The following IGSF5 variants were observed in gnomAD, a reference collection of about 807,000 sequenced individuals.
The protein encoded by IGSF5 is immunoglobulin superfamily member 5.
A neutral mutation model predicts 39.4 loss-of-function variants in IGSF5; 41 were observed. That is an observed-to-expected ratio of 1.04 (90% confidence interval 0.81 to 1.35). IGSF5 has a LOEUF of 1.35. Ranked by LOEUF, IGSF5 falls within the 40% of genes most tolerant of loss-of-function variation. The probability of loss-of-function intolerance (pLI) is 0.00; values close to 1 mark genes in which losing one functional copy is unlikely to be tolerated. For missense variants in IGSF5, 487 were observed against 494.6 expected (o/e 0.98, Z 0.15); for synonymous variants, 183 against 175.3 (o/e 1.04, Z -0.34).
chr21:39,741,216 G>A (rs1296693788), upstream of IGSF5, among the ~76,000 whole-genome samples: 1 of 152,124 alleles, frequency 6.6e-6, no homozygotes, highest in African/African-American at 2.4e-5. Flanking sequence ...TTCTGCTTCA[G>A]GTGTCCATCT....
chr21:39,733,097 A>C, the IGSF5 span, among the ~76,000 whole-genome samples: 1 of 152,160 alleles, frequency 6.6e-6, no homozygotes, highest in Non-Finnish European at 1.5e-5. Context: ...AAAAAGATAT[A>C]GTACCAAAGA....
the IGSF5 span, among the ~76,000 whole-genome samples, chr21:39,736,890 G>A: frequency 6.6e-6 from 1 of 152,132 alleles, no homozygotes; most frequent in South Asian, 2.1e-4. Flanking sequence ...ACAACTCCTG[G>A]TGCCGACTGA....
chr21:39,782,879 C>T (rs888963235), intron 5 of IGSF5, among the ~76,000 whole-genome samples: 3 of 152,138 alleles, frequency 2.0e-5, no homozygotes, highest in Admixed American at 2.0e-4. Context: ...TAGCTTCCCC[C>T]GACTACCTCC....
upstream of IGSF5, among the ~76,000 whole-genome samples, chr21:39,744,823 AG>A (rs1189051548): frequency 1.3e-5 from 2 of 152,200 alleles, no homozygotes; most frequent in Non-Finnish European, 2.9e-5. Context: ...TTCTACTTTT[AG>A]CAAAGCAGTT....
chr21:39,747,940 CA>C (rs200945240), intron 2 of IGSF5, among the ~76,000 whole-genome samples: 17 of 118,762 alleles, frequency 1.4e-4, no homozygotes, highest in Non-Finnish European at 2.0e-4. Flanking sequence ...AAAACTCTGG[CA>C]AAAAAAAAAA....
At chr21:39,785,411 C>T (rs1164491520) in intron 5 of IGSF5, among the ~76,000 whole-genome samples, 1 of 152,028 alleles carries the variant, frequency 6.6e-6, no homozygotes, top group African/African-American at 2.4e-5. Context: ...GTTCCATTGA[C>T]CTATATCTCT....
upstream of IGSF5, among the ~76,000 whole-genome samples, chr21:39,742,107 C>T: frequency 6.6e-6 from 1 of 151,644 alleles, no homozygotes; most frequent in Non-Finnish European, 1.5e-5. Flanking sequence ...CTTTGCTTGT[C>T]CATATTGTCC....
chr21:39,781,610 C>A (rs1000343528), intron 5 of IGSF5, among the ~76,000 whole-genome samples: 1 of 152,134 alleles, frequency 6.6e-6, no homozygotes, highest in South Asian at 2.1e-4. Flanking sequence ...TGAGAGTTCC[C>A]GTTTCCCCAC....
intron 8 of IGSF5, among the ~76,000 whole-genome samples, chr21:39,797,202 A>G (rs1438320782): frequency 6.7e-6 from 1 of 150,154 alleles, no homozygotes; most frequent in Non-Finnish European, 1.5e-5. Flanking sequence ...ATGTGCAGAT[A>G]GACAAAGCTC....
the IGSF5 span, among the ~76,000 whole-genome samples, chr21:39,725,660 T>A: frequency 6.6e-6 from 1 of 152,198 alleles, no homozygotes; most frequent in Non-Finnish European, 1.5e-5. Context: ...CCACAGGTGG[T>A]GCACAAGTAC....
chr21:39,736,432 CAAACA>C, the IGSF5 span, among the ~76,000 whole-genome samples: 59 of 151,868 alleles, frequency 3.9e-4, no homozygotes, highest in African/African-American at 1.3e-3. Flanking sequence ...CCCAAATTAC[CAAACA>C]AAACAAAACA....
In IGSF5 at chr21:39,793,555, A is replaced by AATC. The variant is rs780035380; in HGVS notation, c.1071_1073dup (p.Ser358dup). 3 of 1,614,036 alleles carry AATC rather than the reference A, an allele frequency of 1.9e-6. No homozygotes were observed. The highest frequency in any genetic ancestry group is 1.7e-6 in the Non-Finnish European group (2 of 1,179,924). On this transcript the variant is annotated inframe_insertion, in exon 8 of 9. Coordinates refer to ENST00000380588, the MANE Select transcript of IGSF5 (RefSeq NM_001080444.2). ...GCAGACACCGCTTCTCTCCCTCCCAAATCCTGTGAATCCAGTGATCCTGAA... is the reference window on the plus strand; with the variant it reads ...GCAGACACCGCTTCTCTCCCTCCCAAATCATCCTGTGAATCCAGTGATCCTGAA...
At chr21:39,721,898 G>A in the IGSF5 span, among the ~76,000 whole-genome samples, 1 of 152,114 alleles carries the variant, frequency 6.6e-6, no homozygotes, top group Non-Finnish European at 1.5e-5. Context: ...GAGTTATATG[G>A]GTCAAGGTGA....
intron 2 of IGSF5, among the ~76,000 whole-genome samples, chr21:39,752,218 A>G (rs150368088): frequency 0.11 from 16,384 of 152,058 alleles, 2,885 homozygotes; most frequent in African/African-American, 0.37. Flanking sequence ...GTGCCTTTGC[A>G]TCCTCATAGC....
At chr21:39,801,068 G>A (rs1026063981) in intron 8 of IGSF5, among the ~76,000 whole-genome samples, 194 bp from the exon 9 acceptor site, 6 of 152,226 alleles carry the variant, frequency 3.9e-5, no homozygotes, top group African/African-American at 1.4e-4. Flanking sequence ...TTGCCCTTTA[G>A]GGCCTGAACT....
intron 8 of IGSF5, among the ~76,000 whole-genome samples, chr21:39,800,304 G>A (rs1309313086): frequency 1.3e-5 from 2 of 152,088 alleles, no homozygotes; most frequent in Non-Finnish European, 2.9e-5. Context: ...CAGAAGATGG[G>A]CATATAAACA....
chr21:39,776,089 T>G (rs2080138694), intron 4 of IGSF5, among the ~76,000 whole-genome samples: 1 of 152,162 alleles, frequency 6.6e-6, no homozygotes, highest in African/African-American at 2.4e-5. Flanking sequence ...ATTTTTGGTT[T>G]GTCAATAATA....
At chr21:39,795,896 CTT>C (rs964432927) in intron 8 of IGSF5, among the ~76,000 whole-genome samples, 11 of 152,080 alleles carry the variant, frequency 7.2e-5, no homozygotes, top group African/African-American at 2.7e-4. Flanking sequence ...GTTGAATTAT[CTT>C]TGTCTGGGCT....
At chr21:39,745,926 G>A (rs2079972087) in intron 1 of IGSF5, among the ~76,000 whole-genome samples, 2 of 152,098 alleles carry the variant, frequency 1.3e-5, no homozygotes, top group Non-Finnish European at 2.9e-5. Flanking sequence ...GGGGTGGGGG[G>A]TCCTTGCTCC....
Sources: gnomAD v4.1 joint callset for allele counts (sites outside exome capture counted in the v4.1 genomes callset) on GRCh38, gnomAD v4.1.1 for gene constraint, MANE v1.5 for transcripts, NCBI Gene and HGNC (gene_info 2026-07-23, HGNC 2026-07-21) for gene names.